The following ZNF75A variants were observed in gnomAD, a reference collection of about 807,000 sequenced individuals.
The protein encoded by ZNF75A is zinc finger protein 75A.
In ZNF75A, 36 loss-of-function variants were observed where a neutral mutation model predicts 46.3. The ratio of observed to expected loss-of-function variants is 0.78; its 90% CI spans 0.60 to 1.03. The LOEUF is 1.03. Ranked by LOEUF, ZNF75A falls within the 50% of genes least tolerant of loss-of-function variation. ZNF75A has a pLI of 0.00. For synonymous variants in ZNF75A, 234 were observed against 189.9 expected (o/e 1.23, Z -1.91); for missense variants, 595 against 551.3 (o/e 1.08, Z -0.79).
Position 3,317,957 on chromosome 16 carries a change from C to A in ZNF75A, c.*88C>A, listed in dbSNP as rs564022250. 6.1e-6 allele frequency: 9 copies of A among 1,480,354 alleles called. No individual in the cohort carries two copies. In the East Asian group the frequency reaches 2.1e-4, roughly 34 times the overall value. 91.7% of individuals were successfully genotyped at this position (1,480,354 alleles called of 1,614,324 possible). A position where few individuals can be genotyped will look rare whatever the true frequency, so the allele number is the denominator to read the frequency against. On this transcript the variant is annotated 3_prime_UTR_variant, in exon 7 of 7. Coordinates refer to ENST00000669516, the MANE Select transcript of ZNF75A (RefSeq NM_001302109.2). ...TTTATGTAAAAGAAAAATCACAAAC[C>A]TTGAAAAATTTTACATCAGAAAATG...
chr16:3,313,216 T>C, intron 5 of ZNF75A, 41 bp downstream of exon 5: 1 of 1,597,782 alleles, frequency 6.3e-7, no homozygotes, highest in Non-Finnish European at 8.5e-7. Flanking sequence ...GAGTACTCTA[T>C]TCTTGGCTTA....
At chr16:3,322,623 C>G (rs1004821518), downstream of ZNF75A, among the ~76,000 whole-genome samples, 2 of 152,146 alleles carry the variant, frequency 1.3e-5, no homozygotes, top group Admixed American at 1.3e-4. Flanking sequence ...GATAATGAAT[C>G]TTGAGTTGCA....
chr16:3,321,606 C>A (rs1216433709), downstream of ZNF75A, among the ~76,000 whole-genome samples: 1 of 152,216 alleles, frequency 6.6e-6, no homozygotes, highest in Non-Finnish European at 1.5e-5. Flanking sequence ...TCTGGGACTC[C>A]AGGCACGTGC....
Position 3,317,730 on chromosome 16 carries a change from GA to G in ZNF75A, c.1482del (p.Lys494AsnfsTer122). Reference sequence around the variant, plus strand: ...AAGCCCTTCACATGTCATGAATGTGGAAAAAAATTCAGTCAGAACTCCCACC... The same window carrying G: ...AAGCCCTTCACATGTCATGAATGTGGAAAAAATTCAGTCAGAACTCCCACC... ...GEKPFTCHEC[G>X]KKFSQNSHLI... On this transcript the variant is annotated frameshift_variant, in exon 7 of 7. Transcript: ENST00000669516. LOFTEE classifies it high-confidence loss of function. 6.2e-7 allele frequency: 1 copy of G among 1,614,118 alleles called. No homozygotes were observed. The highest frequency in any genetic ancestry group is 8.5e-7 in the Non-Finnish European group (1 of 1,180,018).
At chr16:3,319,179 T>A (rs1961430001), downstream of ZNF75A, among the ~76,000 whole-genome samples, 1 of 152,148 alleles carries the variant, frequency 6.6e-6, no homozygotes, top group Non-Finnish European at 1.5e-5. Context: ...AATGGTGTGA[T>A]CTCAGCTCAT....
rs866791138 is a variant in ZNF75A at position 3,311,977 on chromosome 16, C to T, written c.604+29C>T. On this transcript the variant is annotated intron_variant, in intron 3 of 6. Transcript: ENST00000669516. Reference sequence around the variant, plus strand: ...AGGAGCTTCATGATAATTTTCTTCTCCTGGGAGCTGTGATAATAGTTTATT... The same window carrying T: ...AGGAGCTTCATGATAATTTTCTTCTTCTGGGAGCTGTGATAATAGTTTATT... 9.2e-6 allele frequency: 9 copies of T among 974,994 alleles called. No homozygotes were observed. In the Middle Eastern group the frequency reaches 3.7e-3, roughly 401 times the overall value. The allele number at this position is 974,994 out of a possible 1,614,324, so 60.4% of individuals were successfully genotyped here. A position where few individuals can be genotyped will look rare whatever the true frequency, so the allele number is the denominator to read the frequency against.
chr16:3,317,059 A>G (rs774743556), intron 6 of ZNF75A, 37 bp downstream of exon 6: 29 of 1,576,690 alleles, frequency 1.8e-5, no homozygotes, highest in Non-Finnish European at 2.3e-5. Flanking sequence ...ATGTGCCTTG[A>G]TGTGAACTTT....
At position 3,318,217 on chromosome 16, in the gene ZNF75A, C is replaced by T. The variant is rs1274050531; in HGVS notation, c.*348C>T. 16 of 1,016,604 alleles carry T rather than the reference C, an allele frequency of 1.6e-5. No individual in the cohort carries two copies. The highest frequency in any genetic ancestry group is 1.8e-5 in the Non-Finnish European group (15 of 850,916). 63.0% of individuals were successfully genotyped at this position (1,016,604 alleles called of 1,614,324 possible). ...GCAGGCTTACCAATTTCCATAGTCT[C>T]ATGAGGCCGAAATGAATTACAATGT... On this transcript the variant is annotated 3_prime_UTR_variant, in exon 7 of 7. Coordinates refer to ENST00000669516, the MANE Select transcript of ZNF75A (RefSeq NM_001302109.2).
In ZNF75A at chr16:3,317,255, G is replaced by T; in HGVS notation, c.1000G>T (p.Ala334Ser). 6.2e-7 allele frequency: 1 copy of T among 1,613,926 alleles called. No homozygotes were observed. Among genetic ancestry groups the T allele is most frequent in the Non-Finnish European group, 8.5e-7 (1 of 1,179,990 alleles). Residue 334 changes from alanine (A) to serine (S), a missense_variant, in exon 7 of 7, where the codon GCA becomes TCA. Transcript: ENST00000669516. ...PVSLSDLEIQ[A>S]SAGVISKKAK... ...GTCTCTTTCTGACTTAGAAATACAA[G>T]CATCAGCAGGCGTCATATCAAAAAA...
chr16:3,314,020 T>G lies in ZNF75A; in HGVS notation c.823+845T>G, dbSNP rs188061874. 2.0e-5 allele frequency among the ~76,000 whole-genome samples: 3 copies of G among 152,302 alleles called. No homozygotes were observed. In the East Asian group the frequency reaches 5.8e-4, roughly 29 times the overall value. ...TTTCAAATTGAGTACATCTAAGTTT[T>G]GCTCAACTCAGAAAAATGTATATCA... On this transcript the variant is annotated intron_variant, in intron 5 of 6. Coordinates refer to ENST00000669516, the MANE Select transcript of ZNF75A (RefSeq NM_001302109.2).
At chr16:3,311,662 C>T (rs1397221028) in intron 2 of ZNF75A, 91 bp from the exon 3 acceptor site, 1 of 627,832 alleles carries the variant, frequency 1.6e-6, no homozygotes, top group East Asian at 1.3e-4. Context: ...CTTATACTAC[C>T]CACAATGTGG....
chr16:3,308,331 C>G lies in ZNF75A; in HGVS notation c.-98C>G. ...TCCTCAGTGCTTTTAGGAAGAAGAT[C>G]CTTTTATTGCTTTTGTACAAGACCA... On this transcript the variant is annotated 5_prime_UTR_variant, in exon 2 of 7. The change creates a new upstream start codon in the 5' untranslated region. Transcript: ENST00000669516. 1.2e-6 allele frequency: 1 copy of G among 856,628 alleles called. No individual in the cohort carries two copies. Among genetic ancestry groups the G allele is most frequent in the Non-Finnish European group, 1.4e-6 (1 of 712,290 alleles). The allele number at this position is 856,628 out of a possible 1,614,324, so 53.1% of individuals were successfully genotyped here.
chr16:3,310,359 A>G (rs990065804), intron 2 of ZNF75A, among the ~76,000 whole-genome samples: 3 of 151,514 alleles, frequency 2.0e-5, no homozygotes, highest in South Asian at 2.1e-4. Context: ...GCACCACTGC[A>G]CTCCAGCCAG....
chr16:3,316,303 TGAGA>T (rs1015327809), intron 5 of ZNF75A: 36 of 152,218 alleles, frequency 2.4e-4, no homozygotes, highest in African/African-American at 6.3e-4. Flanking sequence ...AATGAATGAG[TGAGA>T]GAGTTTCATA....
chr16:3,309,680 C>G (rs2150802515), intron 2 of ZNF75A, among the ~76,000 whole-genome samples: 1 of 146,402 alleles, frequency 6.8e-6, no homozygotes, highest in Admixed American at 6.9e-5. Context: ...CACCTGAGCC[C>G]AGGAGGTGGA....
At chr16:3,319,208 G>C (rs2150835317), downstream of ZNF75A, among the ~76,000 whole-genome samples, 1 of 152,226 alleles carries the variant, frequency 6.6e-6, no homozygotes, top group African/African-American at 2.4e-5. Flanking sequence ...CCACCTCCCA[G>C]ATTCAAGCAA....
At chr16:3,323,180 C>T, downstream of ZNF75A, 6 of 644,634 alleles carry the variant, frequency 9.3e-6, no homozygotes, top group Non-Finnish European at 1.6e-5. Flanking sequence ...AGTTTGGCAC[C>T]TGGGTCTAGT....
rs1960830868 is a variant in ZNF75A at position 3,311,898 on chromosome 16, A to G, written c.554A>G (p.Glu185Gly). 4.0e-6 allele frequency: 4 copies of G among 994,812 alleles called. No individual in the cohort carries two copies. The highest frequency in any genetic ancestry group is 4.8e-6 in the Non-Finnish European group (4 of 834,220). The allele number at this position is 994,812 out of a possible 1,614,324, so 61.6% of individuals were successfully genotyped here. A position where few individuals can be genotyped will look rare whatever the true frequency, so the allele number is the denominator to read the frequency against. Residue 185 changes from glutamate (E) to glycine (G), a missense_variant, in exon 3 of 7, where the codon GAA becomes GGA. Glu to Gly is a moderately conservative substitution (Grantham distance 98). Transcript: ENST00000669516. ...EFWNTYEGLQ[E>G]QLSRNTHKET... Reference sequence around the variant, plus strand: ...TGGAATACATACGAGGGTCTGCAAGAACAGCTCAGCAGGAATACTCATAAA... The same window carrying G: ...TGGAATACATACGAGGGTCTGCAAGGACAGCTCAGCAGGAATACTCATAAA...
chr16:3,318,756 G>A lies in ZNF75A; in HGVS notation c.*887G>A, dbSNP rs998968930. ...AATTTCCATGGGAGTTGGAGTGTGT[G>A]TGCTGCAGGCAGGATCCTGTGGCTC... is the stretch of plus-strand genomic sequence containing the variant. On this transcript the variant is annotated 3_prime_UTR_variant, in exon 7 of 7. Coordinates refer to ENST00000669516, the MANE Select transcript of ZNF75A (RefSeq NM_001302109.2). 6 of 985,350 alleles carry A rather than the reference G, an allele frequency of 6.1e-6. No individual in the cohort carries two copies. The African/African-American group carries it at 7.0e-5, about 11-fold the overall frequency. 61.0% of individuals were successfully genotyped at this position (985,350 alleles called of 1,614,324 possible).
Sources: allele counts gnomAD v4.1 joint callset (sites outside exome capture counted in the v4.1 genomes callset), GRCh38; gene constraint gnomAD v4.1.1; transcripts MANE v1.5; gene names NCBI Gene and HGNC (gene_info 2026-07-23, HGNC 2026-07-21).